Variants in NDUFS4 observed in about 807,000 individuals in gnomAD.
NDUFS4 encodes the protein NADH:ubiquinone oxidoreductase subunit S4.
NDUFS4 carries 28 observed loss-of-function variants against 24.3 expected under a neutral mutation model. The observed-to-expected ratio is 1.15, with a 90% confidence interval of 0.85 to 1.58. The LOEUF (loss-of-function observed/expected upper bound fraction) is 1.58. Among genes scored for constraint, NDUFS4 ranks in the 40% most tolerant of loss-of-function variants. The pLI is 0.00. For missense variants in NDUFS4, 223 were observed against 207.9 expected, an observed-to-expected ratio of 1.07 and a Z score of -0.45; for synonymous variants, 93 against 69.7, an observed-to-expected ratio of 1.34 and a Z score of -1.67.
intron 4 of NDUFS4, among the ~76,000 whole-genome samples, chr5:53,681,630 T>G (rs1170552864): frequency 5.3e-5 from 8 of 152,138 alleles, no homozygotes; most frequent in Admixed American, 5.2e-4. Flanking sequence ...TTCTACTCTG[T>G]GAAAGTAAGG....
intron 4 of NDUFS4, among the ~76,000 whole-genome samples, chr5:53,677,985 T>C (rs140271094): frequency 9.5e-4 from 144 of 152,342 alleles, no homozygotes; most frequent in African/African-American, 3.0e-3. Flanking sequence ...GTTTGTATTT[T>C]TGTATTACTG....
At chr5:53,580,882 G>A (rs1270061501) in intron 1 of NDUFS4, among the ~76,000 whole-genome samples, 1 of 150,734 alleles carries the variant, frequency 6.6e-6, no homozygotes, top group East Asian at 2.0e-4. Context: ...TACCCAGGCT[G>A]GAGTGCAATG....
chr5:53,625,670 A>G (rs1009006502), intron 2 of NDUFS4, among the ~76,000 whole-genome samples: 4 of 152,142 alleles, frequency 2.6e-5, no homozygotes, highest in Admixed American at 1.3e-4. Context: ...TTTAGATACT[A>G]TATTTTTCAG....
intron 1 of NDUFS4, among the ~76,000 whole-genome samples, chr5:53,596,889 T>A (rs1241402719): frequency 3.9e-5 from 6 of 152,222 alleles, no homozygotes; most frequent in Non-Finnish European, 8.8e-5. Context: ...TTATTTCTGG[T>A]CCTTTGAAAT....
At chr5:53,572,978 T>G (rs1047995964) in intron 1 of NDUFS4, among the ~76,000 whole-genome samples, 2 of 148,328 alleles carry the variant, frequency 1.3e-5, no homozygotes, top group African/African-American at 5.0e-5. Flanking sequence ...TTGTTTTTTT[T>G]TTTTTTTAAG....
intron 2 of NDUFS4, among the ~76,000 whole-genome samples, chr5:53,635,313 A>G (rs967711899): frequency 6.6e-5 from 10 of 151,682 alleles, no homozygotes; most frequent in Non-Finnish European, 1.3e-4. Context: ...GGAGTTCGAG[A>G]CCAGCCTAGG....
intron 3 of NDUFS4, among the ~76,000 whole-genome samples, chr5:53,652,117 AT>A (rs1407576619): frequency 6.6e-6 from 1 of 152,128 alleles, no homozygotes; most frequent in Non-Finnish European, 1.5e-5. Flanking sequence ...GGTCTATCAT[AT>A]TGATGGAATG....
intron 2 of NDUFS4, among the ~76,000 whole-genome samples, chr5:53,626,341 A>T (rs1435011456): frequency 6.6e-6 from 1 of 152,130 alleles, no homozygotes; most frequent in Non-Finnish European, 1.5e-5. Flanking sequence ...CTGCCGCAAT[A>T]AACATGTGTG....
chr5:53,678,069 A>G (rs937107531), intron 4 of NDUFS4, among the ~76,000 whole-genome samples: 13 of 152,184 alleles, frequency 8.5e-5, no homozygotes, highest in African/African-American at 2.9e-4. Context: ...TATGGAATTC[A>G]TAAGTTAATT....
At chr5:53,663,952 T>A (rs1169593442) in intron 4 of NDUFS4, among the ~76,000 whole-genome samples, 1 of 151,328 alleles carries the variant, frequency 6.6e-6, no homozygotes, top group African/African-American at 2.4e-5. Flanking sequence ...ATTTATCATG[T>A]GTTTGCAGTG....
chr5:53,613,125 T>C (rs1750748326), intron 2 of NDUFS4, among the ~76,000 whole-genome samples: 1 of 152,078 alleles, frequency 6.6e-6, no homozygotes, highest in East Asian at 1.9e-4. Flanking sequence ...GTCAGTTTTC[T>C]TTTGGTGAGA....
chr5:53,616,162 T>A (rs575595151), intron 2 of NDUFS4, among the ~76,000 whole-genome samples: 1 of 152,260 alleles, frequency 6.6e-6, no homozygotes, highest in South Asian at 2.1e-4. Context: ...GATATTTTTT[T>A]ACTTGTCTCT....
chr5:53,608,722 C>T (rs1750606574), intron 2 of NDUFS4, among the ~76,000 whole-genome samples: 1 of 152,188 alleles, frequency 6.6e-6, no homozygotes, highest in Non-Finnish European at 1.5e-5. Flanking sequence ...CCACTAAAGT[C>T]TTAGATCCTT....
intron 4 of NDUFS4, 101 bp downstream of exon 4, chr5:53,658,725 G>C: frequency 1.1e-6 from 1 of 930,892 alleles, no homozygotes; most frequent in Non-Finnish European, 1.7e-6. Context: ...GGAATCCAGT[G>C]GTTTCATTGT....
chr5:53,645,331 G>GCAAAAATTT (rs1477714801), intron 2 of NDUFS4, among the ~76,000 whole-genome samples: 1 of 152,096 alleles, frequency 6.6e-6, no homozygotes, highest in Non-Finnish European at 1.5e-5. Context: ...ATCAGACCTT[G>GCAAAAATTT]GCAATGGCCT....
intron 2 of NDUFS4, among the ~76,000 whole-genome samples, chr5:53,615,497 C>T (rs1047159561): frequency 8.6e-5 from 13 of 151,950 alleles, no homozygotes; most frequent in African/African-American, 3.1e-4. Flanking sequence ...TGCTTCTATT[C>T]TACTCTTCAA....
intron 1 of NDUFS4, among the ~76,000 whole-genome samples, chr5:53,594,958 GA>G (rs1479572981): frequency 1.3e-5 from 2 of 151,806 alleles, no homozygotes; most frequent in African/African-American, 4.8e-5. Flanking sequence ...AATTCTTTTA[GA>G]AAGGGATTCA....
At chr5:53,574,515 G>A (rs1749322978) in intron 1 of NDUFS4, among the ~76,000 whole-genome samples, 2 of 152,168 alleles carry the variant, frequency 1.3e-5, no homozygotes. Context: ...ATACTGATCT[G>A]TAGTTTGTTT....
chr5:53,677,638 C>G (rs1740522727), intron 4 of NDUFS4, among the ~76,000 whole-genome samples: 1 of 152,078 alleles, frequency 6.6e-6, no homozygotes, highest in South Asian at 2.1e-4. Flanking sequence ...GGGTTATGCT[C>G]CGCTTTCAGC....
Sources: gnomAD v4.1 joint callset for allele counts (sites outside exome capture counted in the v4.1 genomes callset) on GRCh38, gnomAD v4.1.1 for gene constraint, MANE v1.5 for transcripts, NCBI Gene and HGNC (gene_info 2026-07-23, HGNC 2026-07-21) for gene names.